Variants in SLC47A2 observed in about 807,000 individuals in gnomAD.
SLC47A2 encodes solute carrier family 47 member 2, also known as multidrug and toxin extrusion protein 2.
Under a neutral mutation model 67.7 loss-of-function variants are expected in SLC47A2, and 52 were observed. That is an observed-to-expected ratio of 0.77 (90% confidence interval 0.61 to 0.97). The LOEUF (loss-of-function observed/expected upper bound fraction) is 0.97. SLC47A2 is among the 50% of genes least tolerant of loss of function. The pLI, the probability that SLC47A2 is intolerant of heterozygous loss-of-function variation, is 0.00. For synonymous variants in SLC47A2, 278 were observed against 292.9 expected (o/e 0.95, Z 0.52); for missense variants, 676 against 712.3 (o/e 0.95, Z 0.58).
At chr17:19,682,420 C>T (rs1567614816) in intron 13 of SLC47A2, among the ~76,000 whole-genome samples, 1 of 152,118 alleles carries the variant, frequency 6.6e-6, no homozygotes, top group Non-Finnish European at 1.5e-5. Flanking sequence ...TTGGGTCTCA[C>T]TGTGCCAAAA....
At chr17:19,713,005 A>T (rs2086143738) in intron 4 of SLC47A2, among the ~76,000 whole-genome samples, 1 of 152,250 alleles carries the variant, frequency 6.6e-6, no homozygotes, top group Non-Finnish European at 1.5e-5. Context: ...AAAAAAGGTT[A>T]TATCTTAAAA....
chr17:19,704,821 G>GTT (rs1451101391), intron 10 of SLC47A2: 16 of 418,582 alleles, frequency 3.8e-5, no homozygotes, highest in South Asian at 2.5e-4. Context: ...GATGGAATGT[G>GTT]CTTTTTTTTT....
chr17:19,707,097 G>C (rs1285206872), intron 8 of SLC47A2, among the ~76,000 whole-genome samples: 1 of 152,104 alleles, frequency 6.6e-6, no homozygotes, highest in Non-Finnish European at 1.5e-5. Flanking sequence ...TAGCTGCCCT[G>C]CCTCCCTGGG....
In SLC47A2 at chr17:19,708,734, T is replaced by C; in HGVS notation, c.513A>G (p.Ala171=). The part of the protein sequence containing the change: ...LPVIFLYNLL[A]KYLQNQKITW... ...CCTGTACCTGATTTTGCAAATATTT[T>C]GCCAGCAGATTGTAAAGAAAAATCA... Residue 171 remains alanine, a synonymous_variant, in exon 6 of 17, where the codon GCA becomes GCG. Transcript: ENST00000433844. 2 of 1,613,996 alleles carry C rather than the reference T, an allele frequency of 1.2e-6. No individual in the cohort carries two copies. The highest frequency in any genetic ancestry group is 1.7e-6 in the Non-Finnish European group (2 of 1,180,044).
At chr17:19,716,748 C>G (rs2086280012), upstream of SLC47A2, 2 of 799,672 alleles carry the variant, frequency 2.5e-6, no homozygotes, top group South Asian at 4.2e-5. Context: ...TGCTGCCAAG[C>G]CTACTGCCTC....
chr17:19,714,398 C>A, intron 3 of SLC47A2: 1 of 480,054 alleles, frequency 2.1e-6, no homozygotes, highest in Non-Finnish European at 3.8e-6. Context: ...TCGACACATG[C>A]CTGCATGTAG....
chr17:19,704,708 A>T, intron 10 of SLC47A2: 1 of 1,527,566 alleles, frequency 6.5e-7, no homozygotes, highest in Non-Finnish European at 8.8e-7. Context: ...TGGGGAGTAG[A>T]GGGGAGGTGG....
At chr17:19,681,912 C>T (rs1318971793) in intron 13 of SLC47A2, among the ~76,000 whole-genome samples, 1 of 152,200 alleles carries the variant, frequency 6.6e-6, no homozygotes, top group Non-Finnish European at 1.5e-5. Context: ...ACTCAGGCTT[C>T]ACTGCCACAC....
chr17:19,682,468 T>C (rs1397934382), intron 13 of SLC47A2, among the ~76,000 whole-genome samples: 1 of 152,228 alleles, frequency 6.6e-6, no homozygotes, highest in Non-Finnish European at 1.5e-5. Flanking sequence ...TAGTTGAGAA[T>C]GTGTCTCTGC....
At position 19,702,612 on chromosome 17, in the gene SLC47A2, G is replaced by A. The variant is rs1426459456; in HGVS notation, c.1157C>T (p.Ala386Val). The change falls in exon 13 of 17, where the codon GCC becomes GTC. Residue 386 changes from alanine to valine, a missense_variant. Coordinates refer to ENST00000433844, the MANE Select transcript of SLC47A2 (RefSeq NM_001099646.3). The stretch of plus-strand genomic sequence containing the variant: ...GATCAAAGTGGTACTTACACAGATG[G>A]CCTCAAACACGTGAAAGACACTATA... ...PVYSVFHVFEAICCVYGGVLR... is the reference protein window; with the variant it reads ...PVYSVFHVFEVICCVYGGVLR... 2 of 1,613,860 alleles carry A rather than the reference G, an allele frequency of 1.2e-6. No homozygotes were observed. Among genetic ancestry groups the A allele is most frequent in the Non-Finnish European group, 1.7e-6 (2 of 1,179,952 alleles).
At chr17:19,715,542 C>T (rs892414911) in intron 1 of SLC47A2, among the ~76,000 whole-genome samples, 2 of 151,936 alleles carry the variant, frequency 1.3e-5, no homozygotes, top group African/African-American at 4.8e-5. Flanking sequence ...AGGCCGCACA[C>T]CCCCAAAAAA....
Position 19,680,042 on chromosome 17 carries a change from A to G in SLC47A2, c.1393-3T>C, listed in dbSNP as rs1409360298. 8 of 1,613,462 alleles carry G rather than the reference A, an allele frequency of 5.0e-6. No homozygotes were observed. Among genetic ancestry groups the G allele is most frequent in the Middle Eastern group, 1.7e-4 (1 of 6,044 alleles). On this transcript the variant is annotated splice_polypyrimidine_tract_variant and splice_region_variant and intron_variant, in intron 15 of 16. Transcript: ENST00000433844. ...TGCCGGCCTGAATGTTTCTTAGCCT[A>G]AAGGAGAAAGAACTCAATTGGGTCA...
intron 13 of SLC47A2, among the ~76,000 whole-genome samples, chr17:19,690,999 A>G (rs1470344049): frequency 6.6e-6 from 1 of 152,024 alleles, no homozygotes; most frequent in Non-Finnish European, 1.5e-5. Flanking sequence ...GTGCATGCCT[A>G]TAATCCTAGC....
At chr17:19,717,877 G>A (rs1190747913), upstream of SLC47A2, 5 of 152,146 alleles carry the variant, frequency 3.3e-5, no homozygotes, top group Non-Finnish European at 5.9e-5. Flanking sequence ...TGTTCTGATG[G>A]TTCTTATCAC....
At chr17:19,709,139 C>T (rs1400584294) in intron 5 of SLC47A2, among the ~76,000 whole-genome samples, 1 of 152,224 alleles carries the variant, frequency 6.6e-6, no homozygotes, top group African/African-American at 2.4e-5. Context: ...CACAGAAGGG[C>T]CCACTTTGGT....
At chr17:19,689,439 GT>G (rs1263464494) in intron 13 of SLC47A2, among the ~76,000 whole-genome samples, 36 of 152,334 alleles carry the variant, frequency 2.4e-4, no homozygotes, top group Admixed American at 5.9e-4. Context: ...GCTTATGCCT[GT>G]AATCCTAGCA....
In SLC47A2 at chr17:19,713,941, G is replaced by C. The variant is rs115261507; in HGVS notation, c.327C>G (p.Gly109=). The C allele has an allele frequency of 4.8e-5, 78 of 1,613,194 alleles. No homozygotes were observed. Among genetic ancestry groups the C allele is most frequent in the Non-Finnish European group, 4.2e-5 (50 of 1,179,570 alleles). The change falls in exon 4 of 17, where the codon GGC becomes GGG. Residue 109 remains glycine, a synonymous_variant. Coordinates refer to ENST00000433844, the MANE Select transcript of SLC47A2 (RefSeq NM_001099646.3). ...SFGSPNKKHV[G]VILQRGALVL... The stretch of plus-strand genomic sequence containing the variant: ...CCAGCGCGCCCCGCTGCAGGATCAC[G>C]CCCACGTGCTTCTTGTTGGGGCTGC...
intron 12 of SLC47A2, 48 bp from the exon 13 acceptor site, chr17:19,702,722 A>G (rs748229953): frequency 1.3e-6 from 2 of 1,592,264 alleles, no homozygotes; most frequent in East Asian, 4.5e-5. Context: ...ATCCTTTGAG[A>G]CCCATTTATA....
chr17:19,714,131 G>A (rs1040235938), intron 3 of SLC47A2, among the ~76,000 whole-genome samples, 158 bp from the exon 4 acceptor site: 3 of 152,206 alleles, frequency 2.0e-5, no homozygotes, highest in African/African-American at 7.2e-5. Flanking sequence ...ATGGCACAGC[G>A]GCCTTCCTGA....
Sources: gnomAD v4.1 joint callset for allele counts (sites outside exome capture counted in the v4.1 genomes callset) on GRCh38, gnomAD v4.1.1 for gene constraint, MANE v1.5 for transcripts, NCBI Gene and HGNC (gene_info 2026-07-23, HGNC 2026-07-21) for gene names.